The following STK10 variants were observed in gnomAD, a reference collection of about 807,000 sequenced individuals.
STK10 encodes the protein serine/threonine kinase 10.
STK10 carries 78 observed loss-of-function variants against 113.8 expected under a neutral mutation model. That is an observed-to-expected ratio of 0.69 (90% CI 0.57 to 0.83). The LOEUF (loss-of-function observed/expected upper bound fraction) is 0.83, where lower values mean the gene tolerates loss of function less well. STK10 is among the 40% of genes least tolerant of loss of function. STK10 has a pLI of 0.00. For synonymous variants in STK10, 465 were observed against 494.7 expected (o/e 0.94, Z 0.80); for missense variants, 1,109 against 1,280.1 (o/e 0.87, Z 2.04).
intron 1 of STK10, among the ~76,000 whole-genome samples, chr5:172,168,608 C>T (rs17074369): frequency 0.19 from 28,701 of 152,132 alleles, 2,828 homozygotes; most frequent in Middle Eastern, 0.25. Flanking sequence ...TGCAGGGCAA[C>T]GAGCAGCCCG....
intron 7 of STK10, among the ~76,000 whole-genome samples, chr5:172,101,719 G>A (rs1768993883): frequency 6.6e-6 from 1 of 152,134 alleles, no homozygotes; most frequent in Admixed American, 6.5e-5. Flanking sequence ...GAGTGTAGTG[G>A]GTTTGCAATT....
rs1561815887 is a variant in STK10, at chr5:172,120,734, G to A, written c.371-3104C>T. Among the ~76,000 whole-genome samples the A allele has an allele frequency of 6.6e-6, 1 of 152,208 alleles. No individual in the cohort carries two copies. Among genetic ancestry groups the A allele is most frequent in the Non-Finnish European group, 1.5e-5 (1 of 68,048 alleles). ...GGCAATAAAGGGGGATTATTGCTAT[G>A]TTGGTTCTAAGATGAGTCCAGGGCT... On this transcript the variant is annotated intron_variant, in intron 3 of 18. Coordinates refer to ENST00000176763, the MANE Select transcript of STK10 (RefSeq NM_005990.4). The surrounding 1 kb of genome is among the most constrained non-coding windows in gnomAD (Gnocchi z 4.0).
chr5:172,079,750 T>TG (rs1484194605), intron 12 of STK10, among the ~76,000 whole-genome samples: 10 of 152,142 alleles, frequency 6.6e-5, no homozygotes, highest in African/African-American at 2.4e-4. Context: ...TTAGCAGAGA[T>TG]GGGGTTTCAC....
chr5:172,087,107 A>AGTGAGTGTGTGT, intron 10 of STK10, among the ~76,000 whole-genome samples: 1 of 128,950 alleles, frequency 7.8e-6, no homozygotes, highest in Middle Eastern at 4.1e-3. Flanking sequence ...AGATGACACC[A>AGTGAGTGTGTGT]GTGTGTGTGT....
intron 14 of STK10, among the ~76,000 whole-genome samples, chr5:172,059,679 T>G (rs1191169052): frequency 6.6e-6 from 1 of 152,054 alleles, no homozygotes; most frequent in African/African-American, 2.4e-5. Flanking sequence ...CTCAGTCCCC[T>G]TCTTGCCCAA....
At chr5:172,087,625 T>TTA (rs1445995295) in intron 10 of STK10, among the ~76,000 whole-genome samples, 1 of 93,242 alleles carries the variant, frequency 1.1e-5, no homozygotes, top group African/African-American at 6.1e-5. Flanking sequence ...ACTTATTTAT[T>TTA]TTTTTTTTTT....
intron 7 of STK10, among the ~76,000 whole-genome samples, chr5:172,104,265 G>A (rs1485897119): frequency 6.6e-6 from 1 of 152,218 alleles, no homozygotes; most frequent in Non-Finnish European, 1.5e-5. Flanking sequence ...TCTTCCATCA[G>A]TGGCAGTGAC....
chr5:172,056,483 A>G (rs11957424), intron 15 of STK10, among the ~76,000 whole-genome samples: 11,023 of 152,160 alleles, frequency 0.072, 1,268 homozygotes, highest in African/African-American at 0.25. Context: ...GGAGACCTAA[A>G]AGTATTGAGG....
intron 8 of STK10, among the ~76,000 whole-genome samples, chr5:172,095,097 C>G (rs1231163525): frequency 6.6e-6 from 1 of 152,222 alleles, no homozygotes; most frequent in Non-Finnish European, 1.5e-5. Flanking sequence ...GTCCTATGGT[C>G]TCTAAGTGCT....
At chr5:172,072,551 A>G (rs1257064172) in intron 12 of STK10, among the ~76,000 whole-genome samples, 2 of 152,196 alleles carry the variant, frequency 1.3e-5, no homozygotes, top group Non-Finnish European at 2.9e-5. Flanking sequence ...TACAGGCGTG[A>G]GCCACCGCGC....
At chr5:172,110,388 C>G (rs919498750) in intron 4 of STK10, among the ~76,000 whole-genome samples, 2 of 151,948 alleles carry the variant, frequency 1.3e-5, no homozygotes, top group African/African-American at 4.9e-5. Context: ...TGAAAGCAAC[C>G]AAGTCCTGCC....
chr5:172,107,832 T>A lies in STK10; in HGVS notation c.541A>T (p.Lys181Ter). The A allele has an allele frequency of 3.1e-6, 5 of 1,614,218 alleles. No individual in the cohort carries two copies. ...IRLADFGVSAKNLKTLQKRDS... is the reference protein window; with the variant it reads ...IRLADFGVSA ...CGTTTCTGTAGAGTCTTCAGATTCTTGGCAGACACACCAAAGTCAGCTGCA... is the reference window on the plus strand; with the variant it reads ...CGTTTCTGTAGAGTCTTCAGATTCTAGGCAGACACACCAAAGTCAGCTGCA... The change falls in exon 5 of 19, where the codon AAG (lysine) becomes TAG (stop). Residue 181 changes from lysine (K) to a stop codon, truncating the protein, a stop_gained. Transcript: ENST00000176763. LOFTEE classifies it high-confidence loss of function.
chr5:172,121,895 C>T (rs563654680), intron 3 of STK10, among the ~76,000 whole-genome samples: 29 of 148,264 alleles, frequency 2.0e-4, no homozygotes, highest in Middle Eastern at 7.0e-3. Flanking sequence ...TTTTAGACGA[C>T]GTCTCTGTCA....
chr5:172,088,916 C>T (rs1416428798), intron 10 of STK10, among the ~76,000 whole-genome samples: 1 of 152,210 alleles, frequency 6.6e-6, no homozygotes. Context: ...AAAGCTGATC[C>T]TAGCAAACAG....
chr5:172,159,961 C>A (rs1770435218), intron 1 of STK10, among the ~76,000 whole-genome samples: 2 of 151,076 alleles, frequency 1.3e-5, no homozygotes, highest in Admixed American at 1.3e-4. Flanking sequence ...CATGGTGAAA[C>A]CCCATCTCTA....
intron 1 of STK10, among the ~76,000 whole-genome samples, chr5:172,158,317 T>C (rs2113819822): frequency 6.6e-6 from 1 of 150,788 alleles, no homozygotes; most frequent in Non-Finnish European, 1.5e-5. Context: ...CTCAAGGAGA[T>C]ATTTATATAC....
intron 1 of STK10, among the ~76,000 whole-genome samples, chr5:172,157,480 C>T (rs868677730): frequency 1.8e-4 from 28 of 152,240 alleles, no homozygotes; most frequent in Middle Eastern, 6.8e-3. Flanking sequence ...CGCTTGAACC[C>T]GGGAGGCAGA....
intron 12 of STK10, among the ~76,000 whole-genome samples, chr5:172,080,775 T>TC (rs1398002627): frequency 2.9e-5 from 4 of 139,512 alleles, no homozygotes; most frequent in African/African-American, 1.4e-4. Flanking sequence ...AAGTGCAAGG[T>TC]GCAGCAGCAA....
intron 1 of STK10, among the ~76,000 whole-genome samples, chr5:172,163,053 A>C (rs1479665105): frequency 6.6e-6 from 1 of 152,144 alleles, no homozygotes; most frequent in Non-Finnish European, 1.5e-5. Flanking sequence ...ACTTGGCCAA[A>C]ATTAAATTCT....
Sources: allele counts gnomAD v4.1 joint callset (sites outside exome capture counted in the v4.1 genomes callset), GRCh38; gene constraint gnomAD v4.1.1; non-coding constraint Gnocchi (gnomAD v3.1); transcripts MANE v1.5; gene names NCBI Gene and HGNC (gene_info 2026-07-23, HGNC 2026-07-21).